Variants in ZNF536 observed in about 807,000 individuals in gnomAD.
ZNF536 encodes the protein zinc finger protein 536.
ZNF536 carries 13 observed loss-of-function variants against 84.5 expected under a neutral mutation model. The observed-to-expected ratio is 0.15, with a 90% CI of 0.10 to 0.24. The LOEUF is 0.24. ZNF536 is among the 10% of genes least tolerant of loss of function. ZNF536 has a pLI of 1.00. For synonymous variants in ZNF536, 811 were observed against 742.5 expected, an observed-to-expected ratio of 1.09 and a Z score of -1.50; for missense variants, 1,536 against 1,747.5, an observed-to-expected ratio of 0.88 and a Z score of 2.16.
At chr19:30,439,238 G>T (rs2051897759) in intron 1 of ZNF536, among the ~76,000 whole-genome samples, 1 of 152,080 alleles carries the variant, frequency 6.6e-6, no homozygotes, top group African/African-American at 2.4e-5. Flanking sequence ...TTTGCATTCA[G>T]CCTCGAAGGG....
chr19:30,671,949 C>T (rs1397282935), intron 1 of ZNF536, among the ~76,000 whole-genome samples: 1 of 152,138 alleles, frequency 6.6e-6, no homozygotes, highest in African/African-American at 2.4e-5. Context: ...ATCATCTACC[C>T]AGGAGTTCTT....
downstream of ZNF536, among the ~76,000 whole-genome samples, chr19:30,560,253 T>G (rs1346578970): frequency 6.6e-6 from 1 of 151,996 alleles, no homozygotes; most frequent in Non-Finnish European, 1.5e-5. Flanking sequence ...CATCCCCAAG[T>G]GGGATTATAA....
chr19:30,233,758 A>T (rs2023256895), intron 1 of ZNF536, among the ~76,000 whole-genome samples: 1 of 152,132 alleles, frequency 6.6e-6, no homozygotes, highest in Non-Finnish European at 1.5e-5. Context: ...AACTGAGGCA[A>T]TGGGAGGGGT....
chr19:30,606,205 A>T (rs2047866408), intron 1 of ZNF536, among the ~76,000 whole-genome samples: 1 of 131,656 alleles, frequency 7.6e-6, no homozygotes. Context: ...AATAAAATAA[A>T]ATAAAATAAA....
intron 1 of ZNF536, among the ~76,000 whole-genome samples, chr19:30,230,971 CT>C (rs58301646): frequency 0.17 from 24,581 of 145,068 alleles, 3,191 homozygotes; most frequent in African/African-American, 0.37. Context: ...TATAGATGAA[CT>C]TTTTTTTTTT....
chr19:30,593,195 G>A (rs2047334929), intron 1 of ZNF536, among the ~76,000 whole-genome samples: 1 of 152,126 alleles, frequency 6.6e-6, no homozygotes, highest in African/African-American at 2.4e-5. Flanking sequence ...CCATCTCGCA[G>A]CTCCTCCTGG....
At chr19:30,650,456 T>C (rs2049658257) in intron 1 of ZNF536, among the ~76,000 whole-genome samples, 1 of 152,204 alleles carries the variant, frequency 6.6e-6, no homozygotes, top group Admixed American at 6.5e-5. Flanking sequence ...AAAATATCTG[T>C]TTTTGTTTTG....
upstream of ZNF536, among the ~76,000 whole-genome samples, chr19:30,226,223 T>TG (rs1330699064): frequency 1.1e-5 from 1 of 93,672 alleles, no homozygotes; most frequent in Non-Finnish European, 2.3e-5. The surrounding 1 kb of genome is among the most constrained non-coding windows in gnomAD (Gnocchi z 4.6). Context: ...GTCTGGGGGG[T>TG]GGGGGGAGTA....
rs113047367 is a variant in ZNF536 at position 30,468,393 on chromosome 19, C to T, written c.2170+22661C>T. On this transcript the variant is annotated intron_variant, in intron 2 of 4. Coordinates refer to ENST00000355537, the MANE Select transcript of ZNF536 (RefSeq NM_014717.3). ...GCTCGAACGCCAAGCTTCGGTGGGC[C>T]TGGTGGGCTGGCCAAGTGTCATAGC... 3.1e-3 allele frequency among the ~76,000 whole-genome samples: 479 copies of T among 152,198 alleles called. 2 individuals are homozygous for T. Among genetic ancestry groups the T allele is most frequent in the African/African-American group, 0.011 (451 of 41,528 alleles).
At chr19:30,335,275 T>C (rs527808182) in intron 2 of ZNF536, among the ~76,000 whole-genome samples, 4 of 152,280 alleles carry the variant, frequency 2.6e-5, no homozygotes, top group Admixed American at 2.6e-4. Flanking sequence ...CTTAGTTTCC[T>C]CACCTCTGTA....
intron 1 of ZNF536, among the ~76,000 whole-genome samples, chr19:30,250,369 G>A (rs1234119898): frequency 2.6e-5 from 4 of 152,212 alleles, no homozygotes; most frequent in East Asian, 1.9e-4. Context: ...GTGATTTAAA[G>A]CTTTGTCACA....
intron 2 of ZNF536, among the ~76,000 whole-genome samples, chr19:30,335,255 C>T (rs942343296): frequency 5.3e-5 from 8 of 152,198 alleles, no homozygotes; most frequent in African/African-American, 1.9e-4. Flanking sequence ...GCCATTTAAC[C>T]TCTCGGAACC....
At chr19:30,373,204 C>T (rs1197639603) in intron 1 of ZNF536, among the ~76,000 whole-genome samples, 1 of 152,180 alleles carries the variant, frequency 6.6e-6, no homozygotes, top group East Asian at 1.9e-4. Flanking sequence ...TTCCCCCCGA[C>T]CTTTTTTTAA....
At chr19:30,384,437 T>C (rs2049255160) in intron 1 of ZNF536, among the ~76,000 whole-genome samples, 1 of 149,676 alleles carries the variant, frequency 6.7e-6, no homozygotes, top group Non-Finnish European at 1.5e-5. Context: ...GGGGGCCTGG[T>C]GGCGAAGAAG....
chr19:30,512,659 G>T (rs2055463544), intron 2 of ZNF536, among the ~76,000 whole-genome samples: 1 of 151,766 alleles, frequency 6.6e-6, no homozygotes, highest in South Asian at 2.1e-4. Flanking sequence ...CTGTACATTG[G>T]CTACATTAGA....
At chr19:30,655,899 C>A (rs555028508) in intron 1 of ZNF536, among the ~76,000 whole-genome samples, 3 of 152,004 alleles carry the variant, frequency 2.0e-5, no homozygotes, top group South Asian at 4.2e-4. Flanking sequence ...ATTAGCTGTG[C>A]GTAATGGTGC....
At chr19:30,586,621 C>A (rs1218262741) in intron 1 of ZNF536, among the ~76,000 whole-genome samples, 1 of 152,194 alleles carries the variant, frequency 6.6e-6, no homozygotes, top group Non-Finnish European at 1.5e-5. Flanking sequence ...CAGCCAACTT[C>A]TAGAGGATGG....
chr19:30,526,723 C>CAAAAA (rs766704469), intron 2 of ZNF536, among the ~76,000 whole-genome samples: 4 of 46,826 alleles, frequency 8.5e-5, no homozygotes, highest in African/African-American at 1.9e-4. Context: ...GACTCCGTCT[C>CAAAAA]AAAAAAAAAA....
chr19:30,505,361 A>AATAAATATATATT (rs2055129849), intron 2 of ZNF536, among the ~76,000 whole-genome samples: 1 of 117,402 alleles, frequency 8.5e-6, no homozygotes, highest in African/African-American at 2.9e-5. Context: ...TATATATTAT[A>AATAAATATATATT]ATGATATATG....
Sources: gnomAD v4.1 joint callset for allele counts (sites outside exome capture counted in the v4.1 genomes callset) on GRCh38, gnomAD v4.1.1 for gene constraint, Gnocchi (gnomAD v3.1) non-coding constraint, MANE v1.5 for transcripts, NCBI Gene and HGNC (gene_info 2026-07-23, HGNC 2026-07-21) for gene names.